Variants in DDR2 observed in about 807,000 individuals in gnomAD.
The protein encoded by DDR2 is discoidin domain-containing receptor 2.
Under a neutral mutation model 94.9 loss-of-function variants are expected in DDR2, and 27 were observed. The ratio of observed to expected loss-of-function variants is 0.28; its 90% CI spans 0.21 to 0.39. The LOEUF is 0.39. DDR2 is among the 10% of genes least tolerant of loss of function. DDR2 has a pLI of 1.00. For synonymous variants in DDR2, 382 were observed against 377.2 expected (o/e 1.01, Z -0.15); for missense variants, 783 against 1,076.0 (o/e 0.73, Z 3.81).
intron 2 of DDR2, among the ~76,000 whole-genome samples, chr1:162,696,591 A>G (rs1020567573): frequency 1.3e-5 from 2 of 152,054 alleles, no homozygotes; most frequent in Admixed American, 6.5e-5. Context: ...CTTGAAAAAA[A>G]CACTGATTGG....
chr1:162,693,685 GTGT>G (rs1349962889), intron 2 of DDR2, among the ~76,000 whole-genome samples: 5 of 152,292 alleles, frequency 3.3e-5, no homozygotes, highest in African/African-American at 9.6e-5. Context: ...CACTGACTAG[GTGT>G]TGTTTTATAT....
chr1:162,711,744 C>G (rs1322408216), intron 2 of DDR2, among the ~76,000 whole-genome samples: 1 of 152,082 alleles, frequency 6.6e-6, no homozygotes, highest in Non-Finnish European at 1.5e-5. Context: ...TGTTTCTCTT[C>G]ATATCTATAT....
intron 1 of DDR2, among the ~76,000 whole-genome samples, chr1:162,643,567 G>C (rs748665938): frequency 1.3e-5 from 2 of 152,018 alleles, no homozygotes; most frequent in Non-Finnish European, 2.9e-5. Flanking sequence ...CTGTAACTCC[G>C]CCTCCCCGGC....
chr1:162,639,148 A>C (rs1233648136), intron 1 of DDR2, among the ~76,000 whole-genome samples: 1 of 152,112 alleles, frequency 6.6e-6, no homozygotes, highest in Non-Finnish European at 1.5e-5. Context: ...GCTGATTCTA[A>C]AGTTTATATA....
At chr1:162,635,100 T>A (rs2101878906) in intron 1 of DDR2, among the ~76,000 whole-genome samples, 1 of 152,282 alleles carries the variant, frequency 6.6e-6, no homozygotes, top group South Asian at 2.1e-4. Context: ...TTCACTTAGA[T>A]TCCTCAACAG....
chr1:162,643,549 T>G (rs1244537226), intron 1 of DDR2, among the ~76,000 whole-genome samples: 1 of 152,106 alleles, frequency 6.6e-6, no homozygotes, highest in African/African-American at 2.4e-5. Flanking sequence ...AGGCTCGGTC[T>G]TGGCTCACTG....
intron 1 of DDR2, among the ~76,000 whole-genome samples, chr1:162,635,493 A>C (rs1384214918): frequency 2.0e-5 from 3 of 152,202 alleles, no homozygotes; most frequent in Admixed American, 6.5e-5. Context: ...GTGGACCTCC[A>C]CAGACATGCT....
chr1:162,652,523 G>C (rs74601861), intron 1 of DDR2, among the ~76,000 whole-genome samples: 1,989 of 152,252 alleles, frequency 0.013, 50 homozygotes, highest in African/African-American at 0.045. Context: ...CTTCCTAAAA[G>C]AGTAGACCAC....
intron 3 of DDR2, among the ~76,000 whole-genome samples, chr1:162,750,173 T>C (rs1663110595): frequency 6.6e-6 from 1 of 152,080 alleles, no homozygotes. Flanking sequence ...AAATAAAGGG[T>C]ATTTAATTAG....
At chr1:162,640,214 G>A (rs1657058162) in intron 1 of DDR2, among the ~76,000 whole-genome samples, 1 of 151,902 alleles carries the variant, frequency 6.6e-6, no homozygotes, top group Non-Finnish European at 1.5e-5. Context: ...ACTAATTTTT[G>A]TATTTTTAGT....
At chr1:162,680,802 C>T (rs913980929) in intron 2 of DDR2, among the ~76,000 whole-genome samples, 8 of 152,168 alleles carry the variant, frequency 5.3e-5, no homozygotes, top group African/African-American at 1.9e-4. Flanking sequence ...TATTCATAAT[C>T]CTATCAGCTG....
At chr1:162,662,293 T>C (rs1240787824) in intron 2 of DDR2, among the ~76,000 whole-genome samples, 1 of 152,204 alleles carries the variant, frequency 6.6e-6, no homozygotes, top group Non-Finnish European at 1.5e-5. Flanking sequence ...AAACCTGAAC[T>C]GGAGAGTCAG....
At chr1:162,643,566 C>T (rs1191455744) in intron 1 of DDR2, among the ~76,000 whole-genome samples, 5 of 151,984 alleles carry the variant, frequency 3.3e-5, no homozygotes, top group Admixed American at 6.5e-5. Flanking sequence ...ACTGTAACTC[C>T]GCCTCCCCGG....
chr1:162,672,612 T>C (rs532853987), intron 2 of DDR2, among the ~76,000 whole-genome samples: 84 of 152,320 alleles, frequency 5.5e-4, no homozygotes, highest in African/African-American at 2.0e-3. Context: ...ATGTATACTT[T>C]ATTGTTTCTT....
upstream of DDR2, among the ~76,000 whole-genome samples, chr1:162,632,252 T>C (rs1479520229): frequency 1.3e-5 from 2 of 152,142 alleles, no homozygotes; most frequent in African/African-American, 4.8e-5. Context: ...ATACATATTT[T>C]TTCTTCTATG....
intron 2 of DDR2, among the ~76,000 whole-genome samples, chr1:162,662,956 G>T (rs1658379358): frequency 6.6e-6 from 1 of 152,076 alleles, no homozygotes; most frequent in Admixed American, 6.6e-5. Context: ...CGGGACAGAG[G>T]ACCCTTTCCA....
chr1:162,772,356 T>A, intron 13 of DDR2, 109 bp downstream of exon 13: 1 of 1,121,074 alleles, frequency 8.9e-7, no homozygotes, highest in Non-Finnish European at 1.3e-6. Context: ...GAATGTCTCT[T>A]CCATTTGTCT....
chr1:162,741,488 A>T, intron 3 of DDR2: 2 of 639,338 alleles, frequency 3.1e-6, no homozygotes, highest in Non-Finnish European at 3.9e-6. Context: ...AATAGTGTGT[A>T]CTCTGCCAAC....
chr1:162,684,820 CACA>C (rs1659598568), intron 2 of DDR2, among the ~76,000 whole-genome samples: 1 of 111,928 alleles, frequency 8.9e-6, no homozygotes. Flanking sequence ...CCAACACACA[CACA>C]CACACACACA....
Sources: allele counts gnomAD v4.1 joint callset (sites outside exome capture counted in the v4.1 genomes callset), GRCh38; gene constraint gnomAD v4.1.1; transcripts MANE v1.5; gene names NCBI Gene and HGNC (gene_info 2026-07-23, HGNC 2026-07-21).